RNF24: variants seen among roughly 807,000 people sequenced by gnomAD.
The protein encoded by RNF24 is ring finger protein 24.
In RNF24, 14 loss-of-function variants were observed where a neutral mutation model predicts 20.0. That is an observed-to-expected ratio of 0.70 (90% CI 0.46 to 1.10). RNF24 has a LOEUF of 1.10. Ranked by LOEUF, RNF24 falls within the 50% of genes least tolerant of loss-of-function variation. The pLI is 0.00. For synonymous variants in RNF24, 45 were observed against 61.1 expected, an observed-to-expected ratio of 0.74 and a Z score of 1.23; for missense variants, 124 against 177.6, an observed-to-expected ratio of 0.70 and a Z score of 1.71.
intron 1 of RNF24, among the ~76,000 whole-genome samples, chr20:3,983,084 C>T (rs1022739339): frequency 6.6e-6 from 1 of 152,132 alleles, no homozygotes; most frequent in Non-Finnish European, 1.5e-5. Context: ...GCAGCAGGTA[C>T]CTTGCCAGAT....
intron 1 of RNF24, among the ~76,000 whole-genome samples, chr20:3,973,491 G>A: frequency 1.3e-5 from 1 of 74,098 alleles, no homozygotes; most frequent in Non-Finnish European, 2.4e-5. Context: ...AAATCTCTAG[G>A]AAGAATGACA....
intron 1 of RNF24, among the ~76,000 whole-genome samples, chr20:4,009,680 G>T (rs988221662): frequency 2.6e-5 from 4 of 152,116 alleles, no homozygotes; most frequent in Non-Finnish European, 5.9e-5. Flanking sequence ...TAGGCAAAAA[G>T]ATCTTATTAA....
chr20:3,985,937 C>T (rs1979862172), intron 1 of RNF24, among the ~76,000 whole-genome samples: 1 of 151,986 alleles, frequency 6.6e-6, no homozygotes, highest in South Asian at 2.1e-4. Flanking sequence ...GGGGTTTCTC[C>T]TAGTAGAGGT....
chr20:4,005,171 T>C (rs1539369), intron 1 of RNF24, among the ~76,000 whole-genome samples: 1 of 15,458 alleles, frequency 6.5e-5, no homozygotes, highest in Non-Finnish European at 2.2e-4. Context: ...GGTTACTTCT[T>C]TGACATTTAG....
At chr20:4,004,532 A>C (rs1392907960) in intron 1 of RNF24, among the ~76,000 whole-genome samples, 2 of 152,218 alleles carry the variant, frequency 1.3e-5, no homozygotes, top group African/African-American at 4.8e-5. Flanking sequence ...TGCAGATATA[A>C]TTTAAGGATC....
intron 4 of RNF24, among the ~76,000 whole-genome samples, chr20:3,940,701 A>C (rs1031226849): frequency 2.0e-5 from 3 of 152,208 alleles, no homozygotes; most frequent in Non-Finnish European, 4.4e-5. Context: ...GTGATACATT[A>C]CTGGTAAGGG....
At chr20:3,977,749 T>C (rs371072317) in intron 1 of RNF24, among the ~76,000 whole-genome samples, 18 of 150,504 alleles carry the variant, frequency 1.2e-4, no homozygotes, top group African/African-American at 2.4e-4. Flanking sequence ...CCTGTAGTCC[T>C]AGCCACTCGG....
chr20:3,938,456 T>C (rs771899221), intron 4 of RNF24, among the ~76,000 whole-genome samples: 2 of 152,138 alleles, frequency 1.3e-5, no homozygotes, highest in Non-Finnish European at 2.9e-5. Flanking sequence ...AAACACAACC[T>C]AAGCACAACC....
intron 2 of RNF24, among the ~76,000 whole-genome samples, chr20:3,961,952 TTTA>T (rs1300611798): frequency 6.6e-6 from 1 of 152,216 alleles, no homozygotes; most frequent in Non-Finnish European, 1.5e-5. Flanking sequence ...ATTTGAGTGC[TTTA>T]TTATATTGGA....
At position 3,997,174 on chromosome 20, in the gene RNF24, C is replaced by T. The variant is rs537809818; in HGVS notation, c.-8+18263G>A. ...CCAGGTGGCAGAGGTTGCAGTGAGCCGAGATCGCGCCACTGCACTCCAGCC... is the reference window on the plus strand; with the variant it reads ...CCAGGTGGCAGAGGTTGCAGTGAGCTGAGATCGCGCCACTGCACTCCAGCC... On this transcript the variant is annotated intron_variant, in intron 1 of 5. Transcript: ENST00000358395. 1.8e-3 allele frequency among the ~76,000 whole-genome samples: 262 copies of T among 145,108 alleles called. 4 individuals carry two copies. Among genetic ancestry groups the T allele is most frequent in the Non-Finnish European group, 1.3e-3 (89 of 67,084 alleles).
chr20:3,956,787 T>C (rs905228243), intron 2 of RNF24, among the ~76,000 whole-genome samples: 6 of 152,226 alleles, frequency 3.9e-5, no homozygotes, highest in Admixed American at 6.5e-5. Flanking sequence ...TATATCCTTA[T>C]AGGGTTTTTG....
chr20:3,928,906 A>C lies in RNF24; in HGVS notation c.*5157T>G, dbSNP rs1412591924. The C allele has an allele frequency of 6.6e-6, 1 of 150,420 alleles. No homozygotes were observed. Among genetic ancestry groups the C allele is most frequent in the Non-Finnish European group, 1.5e-5 (1 of 67,728 alleles). The allele number at this position is 150,420 out of a possible 1,614,324, so 9.3% of individuals were successfully genotyped here. A position where few individuals can be genotyped will look rare whatever the true frequency, so the allele number is the denominator to read the frequency against. Reference sequence around the variant, plus strand: ...CGCTCTGTTGCCCAGGCTGGAGTGCAGTGGGGATCTTGGCTCACTGCAACT... The same window carrying C: ...CGCTCTGTTGCCCAGGCTGGAGTGCCGTGGGGATCTTGGCTCACTGCAACT... On this transcript the variant is annotated 3_prime_UTR_variant, in exon 6 of 6. Transcript: ENST00000358395.
chr20:3,985,171 A>G (rs1178573216), intron 1 of RNF24, among the ~76,000 whole-genome samples: 1 of 152,080 alleles, frequency 6.6e-6, no homozygotes, highest in African/African-American at 2.4e-5. Context: ...CATTATTTCG[A>G]TTCCATTTTT....
In RNF24 at chr20:3,965,427, T is replaced by TC. The variant is rs199926375; in HGVS notation, c.-7-1404_-7-1403insG. Reference sequence around the variant, plus strand: ...CTAGTAACATATATCAGGAAGTCAGTACCTGCAAAGAACAACTTCATCCCA... The same window carrying TC: ...CTAGTAACATATATCAGGAAGTCAGTCACCTGCAAAGAACAACTTCATCCCA... On this transcript the variant is annotated intron_variant, in intron 1 of 5. Coordinates refer to ENST00000358395, the MANE Select transcript of RNF24 (RefSeq NM_001134337.3). Among the ~76,000 whole-genome samples the TC allele has an allele frequency of 4.4e-3, 671 of 152,326 alleles. 2 individuals carry two copies. The highest frequency in any genetic ancestry group is 0.016 in the African/African-American group (650 of 41,578).
intron 1 of RNF24, among the ~76,000 whole-genome samples, chr20:4,001,581 A>G (rs1981392277): frequency 6.6e-6 from 1 of 152,144 alleles, no homozygotes; most frequent in Admixed American, 6.6e-5. Context: ...TAAAAGACAA[A>G]AATCACCCTT....
chr20:4,004,832 G>C (rs967648332), intron 1 of RNF24, among the ~76,000 whole-genome samples: 1 of 152,194 alleles, frequency 6.6e-6, no homozygotes, highest in African/African-American at 2.4e-5. Context: ...GCAATGTTAA[G>C]AAACTAATAA....
chr20:3,999,152 T>C (rs1039712025), intron 1 of RNF24, among the ~76,000 whole-genome samples: 9 of 152,214 alleles, frequency 5.9e-5, no homozygotes, highest in African/African-American at 2.2e-4. Flanking sequence ...GTCTGAGTTA[T>C]GCAGGATAGT....
chr20:4,005,223 G>A (rs1272942524), intron 1 of RNF24, among the ~76,000 whole-genome samples: 2 of 152,176 alleles, frequency 1.3e-5, no homozygotes, highest in Non-Finnish European at 2.9e-5. Flanking sequence ...GCTGTAAGCA[G>A]TAAATAGGCA....
chr20:4,008,393 T>TAATATATATATA (rs1555803330), intron 1 of RNF24, among the ~76,000 whole-genome samples: 22 of 23,040 alleles, frequency 9.5e-4, no homozygotes, highest in African/African-American at 4.1e-3. Context: ...ATATATATTA[T>TAATATATATATA]ATATGTAATA....
Sources: allele counts gnomAD v4.1 joint callset (sites outside exome capture counted in the v4.1 genomes callset), GRCh38; gene constraint gnomAD v4.1.1; transcripts MANE v1.5; gene names NCBI Gene and HGNC (gene_info 2026-07-23, HGNC 2026-07-21).